ARHGAP24: variants seen among roughly 807,000 people sequenced by gnomAD.
ARHGAP24 encodes rho GTPase-activating protein 24.
In ARHGAP24, 50 loss-of-function variants were observed where a neutral mutation model predicts 76.4. The ratio of observed to expected loss-of-function variants is 0.65; its 90% CI spans 0.52 to 0.83. ARHGAP24 has a LOEUF of 0.83. Ranked by LOEUF, ARHGAP24 falls within the 40% of genes least tolerant of loss-of-function variation. ARHGAP24 has a pLI of 0.00. For synonymous variants in ARHGAP24, 345 were observed against 323.3 expected (o/e 1.07, Z -0.72); for missense variants, 930 against 914.2 (o/e 1.02, Z -0.22).
At chr4:85,919,433 AT>A (rs1207128455) in intron 3 of ARHGAP24, among the ~76,000 whole-genome samples, 1 of 152,192 alleles carries the variant, frequency 6.6e-6, no homozygotes, top group Admixed American at 6.6e-5. Context: ...TAGAAATTAT[AT>A]CTACATAATT....
At chr4:85,726,986 G>A (rs1460881042) in intron 3 of ARHGAP24, among the ~76,000 whole-genome samples, 1 of 152,058 alleles carries the variant, frequency 6.6e-6, no homozygotes, top group Non-Finnish European at 1.5e-5. Context: ...TGGATCCAAG[G>A]TGGGGGGATC....
intron 1 of ARHGAP24, among the ~76,000 whole-genome samples, chr4:85,497,582 G>A (rs1018811624): frequency 6.6e-6 from 1 of 152,076 alleles, no homozygotes; most frequent in African/African-American, 2.4e-5. Context: ...AGCAATTTGG[G>A]AGGCTGAGGC....
intron 3 of ARHGAP24, among the ~76,000 whole-genome samples, chr4:85,758,790 G>T (rs1726625505): frequency 6.6e-6 from 1 of 152,056 alleles, no homozygotes; most frequent in Non-Finnish European, 1.5e-5. Context: ...GAGCATCAAA[G>T]GCATACATAT....
At chr4:85,977,800 G>C in intron 8 of ARHGAP24, 109 bp downstream of exon 8, 1 of 1,314,096 alleles carries the variant, frequency 7.6e-7, no homozygotes, top group Non-Finnish European at 1.1e-6. Flanking sequence ...TGAATACATG[G>C]CAACTCCGTT....
At chr4:85,923,571 T>TC in intron 3 of ARHGAP24, 77 bp from the exon 4 acceptor site, 1 of 1,598,548 alleles carries the variant, frequency 6.3e-7, no homozygotes, top group Non-Finnish European at 8.5e-7. Flanking sequence ...AGTCTCTGTT[T>TC]CAGGGGTTCT....
chr4:85,762,333 G>C (rs1385132714), intron 3 of ARHGAP24, among the ~76,000 whole-genome samples: 1 of 152,150 alleles, frequency 6.6e-6, no homozygotes, highest in African/African-American at 2.4e-5. Flanking sequence ...CTCATGTACA[G>C]AAAATCATAT....
At chr4:85,626,226 G>T (rs1031652470) in intron 2 of ARHGAP24, among the ~76,000 whole-genome samples, 26 of 152,256 alleles carry the variant, frequency 1.7e-4, no homozygotes, top group Non-Finnish European at 1.9e-4. Flanking sequence ...TCCTTTCCAT[G>T]TTTAGTGCTT....
intron 1 of ARHGAP24, among the ~76,000 whole-genome samples, chr4:85,516,424 C>T (rs1406309928): frequency 6.6e-6 from 1 of 152,068 alleles, no homozygotes; most frequent in African/African-American, 2.4e-5. Flanking sequence ...ATCAATTAAC[C>T]TACAGTAAAA....
At chr4:85,523,544 T>C (rs971287963) in intron 1 of ARHGAP24, among the ~76,000 whole-genome samples, 4 of 152,194 alleles carry the variant, frequency 2.6e-5, no homozygotes, top group Non-Finnish European at 4.4e-5. Context: ...TCAGACAATT[T>C]AGCATAAATG....
intron 2 of ARHGAP24, among the ~76,000 whole-genome samples, chr4:85,714,056 C>T (rs571636624): frequency 1.2e-4 from 19 of 152,196 alleles, no homozygotes; most frequent in Non-Finnish European, 2.2e-4. Context: ...CTCTCACAAT[C>T]GAGGAATGTC....
intron 5 of ARHGAP24, among the ~76,000 whole-genome samples, chr4:85,959,542 C>CTTTTATTGAAGGGAA (rs1247033792): frequency 1.3e-5 from 2 of 152,114 alleles, no homozygotes; most frequent in East Asian, 1.9e-4. Flanking sequence ...TAGTTTTTCC[C>CTTTTATTGAAGGGAA]TTTTATTGAA....
At chr4:85,987,421 A>G (rs1371561912) in intron 8 of ARHGAP24, among the ~76,000 whole-genome samples, 1 of 152,090 alleles carries the variant, frequency 6.6e-6, no homozygotes, top group Non-Finnish European at 1.5e-5. Context: ...TGTTTTCCAT[A>G]CAACTAAAAA....
intron 3 of ARHGAP24, among the ~76,000 whole-genome samples, chr4:85,729,788 A>G (rs775645377): frequency 1.8e-4 from 28 of 152,214 alleles, no homozygotes; most frequent in Admixed American, 1.2e-3. Flanking sequence ...AATTTTATAT[A>G]CTTCTCAAAT....
chr4:85,745,011 C>A (rs1725972390), intron 3 of ARHGAP24, among the ~76,000 whole-genome samples: 1 of 152,104 alleles, frequency 6.6e-6, no homozygotes, highest in Non-Finnish European at 1.5e-5. Flanking sequence ...CAATGCTCTC[C>A]ACTATTAATT....
At chr4:85,710,914 G>A (rs958792235) in intron 2 of ARHGAP24, among the ~76,000 whole-genome samples, 1 of 151,984 alleles carries the variant, frequency 6.6e-6, no homozygotes, top group Non-Finnish European at 1.5e-5. Context: ...TGTACACAAA[G>A]GAAGATTAAT....
intron 3 of ARHGAP24, among the ~76,000 whole-genome samples, chr4:85,826,849 A>G (rs1232317454): frequency 2.0e-5 from 3 of 152,214 alleles, no homozygotes; most frequent in African/African-American, 7.2e-5. Flanking sequence ...AAAGGGTGAG[A>G]ATAATTTCTT....
intron 2 of ARHGAP24, among the ~76,000 whole-genome samples, chr4:85,683,620 G>A (rs1439596381): frequency 6.7e-6 from 1 of 149,526 alleles, no homozygotes; most frequent in East Asian, 2.0e-4. Flanking sequence ...ATTTTATTGT[G>A]ATAACAGACA....
chr4:85,737,089 C>T (rs1219202392), intron 3 of ARHGAP24, among the ~76,000 whole-genome samples: 1 of 152,068 alleles, frequency 6.6e-6, no homozygotes, highest in Non-Finnish European at 1.5e-5. Context: ...CATTCTTTCA[C>T]CAGCACACAG....
chr4:85,509,451 T>TA (rs200906802), intron 1 of ARHGAP24, among the ~76,000 whole-genome samples: 18 of 151,874 alleles, frequency 1.2e-4, no homozygotes, highest in South Asian at 1.0e-3. Context: ...GGCTAGATTA[T>TA]AAAAAAAAGT....
Sources: gnomAD v4.1 joint callset for allele counts (sites outside exome capture counted in the v4.1 genomes callset) on GRCh38, gnomAD v4.1.1 for gene constraint, MANE v1.5 for transcripts, NCBI Gene and HGNC (gene_info 2026-07-23, HGNC 2026-07-21) for gene names.